Variants in ARMC2 observed in about 807,000 individuals in gnomAD.
ARMC2 encodes armadillo repeat-containing protein 2.
ARMC2 carries 67 observed loss-of-function variants against 90.3 expected under a neutral mutation model. That is an observed-to-expected ratio of 0.74 (90% CI 0.61 to 0.91). The LOEUF (loss-of-function observed/expected upper bound fraction) is 0.91, where lower values mean the gene tolerates loss of function less well. Ranked by LOEUF, ARMC2 falls within the 40% of genes least tolerant of loss-of-function variation. The pLI is 0.00. For missense variants in ARMC2, 920 were observed against 1,030.9 expected, an observed-to-expected ratio of 0.89 and a Z score of 1.47; for synonymous variants, 393 against 393.0, an observed-to-expected ratio of 1.00 and a Z score of 0.00.
At chr6:108,983,962 A>T in the ARMC2 span, among the ~76,000 whole-genome samples, 2 of 152,278 alleles carry the variant, frequency 1.3e-5, no homozygotes, top group Admixed American at 1.3e-4. Flanking sequence ...GCACAGCAGG[A>T]GGTGAGTTGT....
At chr6:109,013,029 T>C in the ARMC2 span, among the ~76,000 whole-genome samples, 5 of 151,554 alleles carry the variant, frequency 3.3e-5, no homozygotes, top group African/African-American at 1.2e-4. Context: ...GGCAGGAGAA[T>C]TGCTTGAACC....
In ARMC2 at chr6:108,952,967, A is replaced by C. The variant is rs2281931; in HGVS notation, c.1597-66A>C. ...TGCAATTGTGAATAAATTAAATACT[A>C]TCTTCTTCCCCACGATGTGTTCCAG... is the stretch of plus-strand genomic sequence containing the variant. On this transcript the variant is annotated intron_variant, in intron 12 of 17. Coordinates refer to ENST00000392644, the MANE Select transcript of ARMC2 (RefSeq NM_032131.6). 719 of 1,389,256 alleles carry C rather than the reference A, an allele frequency of 5.2e-4. 7 individuals carry two copies. The East Asian group carries it at 0.016, about 31-fold the overall frequency. 86.1% of individuals were successfully genotyped at this position (1,389,256 alleles called of 1,614,324 possible).
intron 3 of ARMC2, among the ~76,000 whole-genome samples, chr6:108,864,552 C>T (rs186688736): frequency 1.3e-5 from 2 of 151,940 alleles, no homozygotes; most frequent in African/African-American, 2.4e-5. Context: ...TGGCGGCTTG[C>T]GAGAATGTTT....
At chr6:108,976,356 T>C (rs1213679731), downstream of ARMC2, among the ~76,000 whole-genome samples, 1 of 152,178 alleles carries the variant, frequency 6.6e-6, no homozygotes, top group Non-Finnish European at 1.5e-5. Flanking sequence ...TCTGTTCCAT[T>C]GGTCTATATC....
chr6:109,000,723 C>T, the ARMC2 span: 1 of 1,333,504 alleles, frequency 7.5e-7, no homozygotes, highest in Non-Finnish European at 9.8e-7. Context: ...CCTTGAACTA[C>T]ATATCCTTTT....
intron 13 of ARMC2, among the ~76,000 whole-genome samples, chr6:108,957,730 CAAT>C (rs2128508492): frequency 6.6e-6 from 1 of 152,284 alleles, no homozygotes; most frequent in East Asian, 1.9e-4. Context: ...TTTTAAAAAT[CAAT>C]AATGTTTCTA....
downstream of ARMC2, among the ~76,000 whole-genome samples, chr6:108,976,831 G>A (rs1158270867): frequency 6.6e-6 from 1 of 152,192 alleles, no homozygotes; most frequent in Non-Finnish European, 1.5e-5. Flanking sequence ...AAGAATGCTT[G>A]TGATTTTTGC....
the ARMC2 span, among the ~76,000 whole-genome samples, chr6:109,049,422 A>G: frequency 1.3e-5 from 2 of 152,168 alleles, no homozygotes; most frequent in African/African-American, 2.4e-5. Flanking sequence ...CTGCTAAAGT[A>G]TACAAAATTA....
intron 11 of ARMC2, among the ~76,000 whole-genome samples, chr6:108,929,237 A>G (rs1775340977): frequency 6.6e-6 from 1 of 152,020 alleles, no homozygotes. Context: ...TAAGGAATTT[A>G]TTTTTGTTTA....
At chr6:108,970,494 CT>C (rs1156823883) in intron 17 of ARMC2, among the ~76,000 whole-genome samples, 21,805 of 117,242 alleles carry the variant, frequency 0.19, 1,691 homozygotes, top group Middle Eastern at 0.28. Flanking sequence ...CTTCTCTTTT[CT>C]TTTTTTTTTT....
chr6:108,864,671 T>C (rs1038263168), intron 3 of ARMC2, among the ~76,000 whole-genome samples: 2 of 152,218 alleles, frequency 1.3e-5, no homozygotes, highest in Non-Finnish European at 2.9e-5. Flanking sequence ...TGGGGTGAGA[T>C]GTCCTGAACT....
chr6:109,024,509 G>A, the ARMC2 span, among the ~76,000 whole-genome samples: 13 of 152,280 alleles, frequency 8.5e-5, no homozygotes, highest in Non-Finnish European at 1.8e-4. Context: ...CTCGATATTA[G>A]TGCTTCTTAC....
At chr6:108,964,915 A>C (rs1157487903) in intron 16 of ARMC2, 65 bp from the exon 17 acceptor site, 2 of 1,207,348 alleles carry the variant, frequency 1.7e-6, no homozygotes, top group African/African-American at 1.5e-5. Context: ...CATTATGCTA[A>C]CAATATTAAA....
intron 11 of ARMC2, among the ~76,000 whole-genome samples, chr6:108,936,223 C>A (rs964273100): frequency 3.9e-5 from 6 of 151,970 alleles, no homozygotes; most frequent in Non-Finnish European, 8.8e-5. Context: ...GGTTTTTGTT[C>A]GTTTGTTTTG....
the ARMC2 span, chr6:108,992,984 C>A: frequency 2.5e-6 from 2 of 813,642 alleles, no homozygotes; most frequent in South Asian, 3.0e-5. Flanking sequence ...AATGGCATAA[C>A]TCTTTCTCTG....
rs574123663 is a variant in ARMC2 at position 108,971,360 on chromosome 6, T to C, written c.2447-1997T>C. Among the ~76,000 whole-genome samples the C allele has an allele frequency of 3.9e-5, 6 of 152,226 alleles. No homozygotes were observed. In the South Asian group the frequency reaches 1.2e-3, roughly 32 times the overall value. ...TATCTCATGGGTGGGGAGATCCAGG[T>C]TTGCTTACAGGGTCTCCATGGAGCT... On this transcript the variant is annotated intron_variant, in intron 17 of 17. Coordinates refer to ENST00000392644, the MANE Select transcript of ARMC2 (RefSeq NM_032131.6).
chr6:109,048,937 TC>T, the ARMC2 span, among the ~76,000 whole-genome samples: 1 of 152,220 alleles, frequency 6.6e-6, no homozygotes, highest in Non-Finnish European at 1.5e-5. Flanking sequence ...AACAATGGTT[TC>T]CTTCTCTGTT....
At chr6:108,921,391 C>T (rs1024271826) in intron 10 of ARMC2, among the ~76,000 whole-genome samples, 2 of 152,136 alleles carry the variant, frequency 1.3e-5, no homozygotes, top group Non-Finnish European at 2.9e-5. Context: ...AGTCGGACAC[C>T]CATGGTAGGG....
At chr6:109,027,303 T>A in the ARMC2 span, among the ~76,000 whole-genome samples, 2 of 151,544 alleles carry the variant, frequency 1.3e-5, no homozygotes, top group Non-Finnish European at 2.9e-5. Flanking sequence ...TGAAACCCCG[T>A]CTCTACTAAA....
Sources: gnomAD v4.1 joint callset for allele counts (sites outside exome capture counted in the v4.1 genomes callset) on GRCh38, gnomAD v4.1.1 for gene constraint, MANE v1.5 for transcripts, NCBI Gene and HGNC (gene_info 2026-07-23, HGNC 2026-07-21) for gene names.